The following ABAT variants were observed in gnomAD, a reference collection of about 807,000 sequenced individuals.
ABAT encodes the protein 4-aminobutyrate aminotransferase, also known as 4-aminobutyrate aminotransferase, mitochondrial.
Under a neutral mutation model 64.6 loss-of-function variants are expected in ABAT, and 45 were observed. That is an observed-to-expected ratio of 0.70 (90% CI 0.55 to 0.89). The LOEUF (loss-of-function observed/expected upper bound fraction) is 0.89. ABAT is among the 40% of genes least tolerant of loss of function. The pLI, the probability that ABAT is intolerant of heterozygous loss-of-function variation, is 0.00. For missense variants in ABAT, 633 were observed against 658.4 expected, an observed-to-expected ratio of 0.96 and a Z score of 0.42; for synonymous variants, 297 against 250.5, an observed-to-expected ratio of 1.19 and a Z score of -1.75.
At chr16:8,759,043 A>G (rs12924829) in intron 6 of ABAT, among the ~76,000 whole-genome samples, 77,307 of 151,934 alleles carry the variant, frequency 0.51, 21,838 homozygotes, top group Admixed American at 0.63. Flanking sequence ...TGGAGGTTGC[A>G]GTGAGCTGAG....
At chr16:8,692,784 A>G (rs1461670688) in intron 1 of ABAT, among the ~76,000 whole-genome samples, 2 of 152,204 alleles carry the variant, frequency 1.3e-5, no homozygotes, top group Non-Finnish European at 2.9e-5. Flanking sequence ...TACCTGGCTG[A>G]CTGAAAGAAC....
At chr16:8,749,681 C>T (rs1381285484) in intron 4 of ABAT, among the ~76,000 whole-genome samples, 1 of 151,022 alleles carries the variant, frequency 6.6e-6, no homozygotes, top group Non-Finnish European at 1.5e-5. Context: ...CAGGCGTGAG[C>T]CACTGCACCC....
intron 1 of ABAT, among the ~76,000 whole-genome samples, chr16:8,735,173 C>CAA (rs79765636): frequency 9.7e-4 from 70 of 72,444 alleles, no homozygotes; most frequent in East Asian, 3.0e-3. Flanking sequence ...GACTCCATCT[C>CAA]AAAAAAAAAA....
At position 8,781,189 on chromosome 16, in the gene ABAT, T is replaced by TGATGGATG; in HGVS notation, c.1382-99_1382-92dup. 3.5e-6 allele frequency: 5 copies of TGATGGATG among 1,431,984 alleles called. No homozygotes were observed. Among genetic ancestry groups the TGATGGATG allele is most frequent in the South Asian group, 2.3e-5 (2 of 87,462 alleles). The allele number at this position is 1,431,984 out of a possible 1,614,324, so 88.7% of individuals were successfully genotyped here. A position where few individuals can be genotyped will look rare whatever the true frequency, so the allele number is the denominator to read the frequency against. ...AAGCCCGGGCTTCCATGATGGAGGA[T>TGATGGATG]GATGGATGGATGGATGGATGGATGG... On this transcript the variant is annotated intron_variant, in intron 15 of 15. Coordinates refer to ENST00000268251, the MANE Select transcript of ABAT (RefSeq NM_020686.6). The surrounding 1 kb of genome is among the most constrained non-coding windows in gnomAD (Gnocchi z 4.5).
chr16:8,777,505 T>C (rs1461897921), intron 14 of ABAT, among the ~76,000 whole-genome samples: 1 of 152,050 alleles, frequency 6.6e-6, no homozygotes, highest in East Asian at 1.9e-4. Flanking sequence ...TTCCCAGAAA[T>C]CTCACATAAT....
chr16:8,733,842 C>T (rs1596438631), intron 1 of ABAT, among the ~76,000 whole-genome samples: 1 of 152,148 alleles, frequency 6.6e-6, no homozygotes, highest in Non-Finnish European at 1.5e-5. Context: ...GGAGAGGGAA[C>T]TGAATCTTAA....
chr16:8,779,676 T>C, intron 15 of ABAT, 86 bp downstream of exon 15: 4 of 1,109,766 alleles, frequency 3.6e-6, no homozygotes, highest in Non-Finnish European at 5.4e-6. Flanking sequence ...TACTCAGCAA[T>C]ATTTTGTGTG....
Position 8,776,303 on chromosome 16 carries a change from G to A in ABAT, c.1123-41G>A, listed in dbSNP as rs767361183. ...GGGGTAAGTGACTCCTGCAGGGTGT[G>A]CATGTGTGTGAAGCCTTCCAACACC... On this transcript the variant is annotated intron_variant, in intron 13 of 15. Coordinates refer to ENST00000268251, the MANE Select transcript of ABAT (RefSeq NM_020686.6). The surrounding 1 kb of genome is among the most constrained non-coding windows in gnomAD (Gnocchi z 4.4). 10 of 1,613,638 alleles carry A rather than the reference G, an allele frequency of 6.2e-6. No individual in the cohort carries two copies. The East Asian group carries it at 2.0e-4, about 32-fold the overall frequency.
rs770655175 is a variant in ABAT, at chr16:8,748,162, C to T, written c.198+25C>T. The T allele has an allele frequency of 2.5e-6, 4 of 1,605,722 alleles. No homozygotes were observed. In the South Asian group the frequency reaches 3.3e-5, roughly 13 times the overall value. On this transcript the variant is annotated intron_variant, in intron 4 of 15. Coordinates refer to ENST00000268251, the MANE Select transcript of ABAT (RefSeq NM_020686.6). ...GGTAAGTGAGGAGGAGGTAACTTTC[C>T]TTCTGTTGCTTCTTTATCACAATTG...
chr16:8,740,455 C>G (rs2059131960), intron 2 of ABAT, among the ~76,000 whole-genome samples: 1 of 152,272 alleles, frequency 6.6e-6, no homozygotes, highest in South Asian at 2.1e-4. Context: ...GGATTCAGTT[C>G]CTTGGATGCT....
chr16:8,771,913 C>T (rs923598868), intron 11 of ABAT, among the ~76,000 whole-genome samples: 1 of 151,644 alleles, frequency 6.6e-6, no homozygotes, highest in African/African-American at 2.4e-5. Context: ...TACAGGCACG[C>T]AGCCACCATG....
intron 1 of ABAT, among the ~76,000 whole-genome samples, chr16:8,693,446 A>G (rs1269084077): frequency 6.6e-6 from 1 of 152,166 alleles, no homozygotes; most frequent in East Asian, 1.9e-4. Flanking sequence ...ATTGAAGGGA[A>G]TACTCTTTTT....
chr16:8,754,922 T>A (rs906596455), intron 5 of ABAT, among the ~76,000 whole-genome samples: 9 of 152,016 alleles, frequency 5.9e-5, no homozygotes, highest in Non-Finnish European at 8.8e-5. Flanking sequence ...TTTCACCATG[T>A]TGGCCAAGCT....
At chr16:8,724,125 G>A (rs1341909944) in intron 1 of ABAT, among the ~76,000 whole-genome samples, 1 of 151,802 alleles carries the variant, frequency 6.6e-6, no homozygotes, top group South Asian at 2.1e-4. Context: ...CCAAGTGTGA[G>A]CCACTGCGCC....
At chr16:8,730,981 G>C (rs2058701947) in intron 1 of ABAT, among the ~76,000 whole-genome samples, 1 of 152,182 alleles carries the variant, frequency 6.6e-6, no homozygotes, top group African/African-American at 2.4e-5. Context: ...TTTTGTGTGT[G>C]AGACGGTGTC....
chr16:8,742,789 C>A (rs1005458607), intron 2 of ABAT, among the ~76,000 whole-genome samples: 4 of 150,712 alleles, frequency 2.7e-5, no homozygotes, highest in African/African-American at 7.3e-5. Context: ...TTGCTTGAAA[C>A]CGGGATGCAG....
At chr16:8,729,474 C>A (rs551119378) in intron 1 of ABAT, among the ~76,000 whole-genome samples, 3 of 152,122 alleles carry the variant, frequency 2.0e-5, no homozygotes, top group South Asian at 4.2e-4. Context: ...GGGAGATTAC[C>A]CTACTCCTAT....
chr16:8,753,853 C>G (rs751123414), intron 5 of ABAT, among the ~76,000 whole-genome samples: 2 of 152,120 alleles, frequency 1.3e-5, no homozygotes, highest in Non-Finnish European at 2.9e-5. Context: ...CAAGGCATTT[C>G]AAATCACTTT....
intron 1 of ABAT, among the ~76,000 whole-genome samples, chr16:8,702,609 C>T (rs1316686284): frequency 6.6e-6 from 1 of 152,140 alleles, no homozygotes; most frequent in Non-Finnish European, 1.5e-5. Context: ...CAGCACCAAA[C>T]GGATGGTGCT....
Sources: gnomAD v4.1 joint callset for allele counts (sites outside exome capture counted in the v4.1 genomes callset) on GRCh38, gnomAD v4.1.1 for gene constraint, Gnocchi (gnomAD v3.1) non-coding constraint, MANE v1.5 for transcripts, NCBI Gene and HGNC (gene_info 2026-07-23, HGNC 2026-07-21) for gene names.